The following GHDC variants were observed in gnomAD, a reference collection of about 807,000 sequenced individuals.
GHDC encodes the protein GH3 domain containing.
In GHDC, 39 loss-of-function variants were observed where a neutral mutation model predicts 51.5. The observed-to-expected ratio is 0.76, with a 90% CI of 0.59 to 0.99. The LOEUF is 0.99. Ranked by LOEUF, GHDC falls within the 50% of genes least tolerant of loss-of-function variation. The pLI is 0.00. For missense variants in GHDC, 610 were observed against 672.8 expected (o/e 0.91, Z 1.03); for synonymous variants, 282 against 305.2 (o/e 0.92, Z 0.79).
chr17:42,193,400 T>C lies in GHDC; in HGVS notation c.182A>G (p.His61Arg), dbSNP rs1418406901. ...GGCCTGCTGCTGGCTCTGGTGCACA[T>C]GGAGCGTGCTCTGCTCCAGCCTCCG... ...QRRRLEQSTLHVHQSQQQALR... is the reference protein window; with the variant it reads ...QRRRLEQSTLRVHQSQQQALR... The change falls in exon 3 of 10, where the codon CAT (histidine) becomes CGT (arginine). Residue 61 changes from histidine to arginine, a missense_variant. Physicochemically the swap from His to Arg is conservative, Grantham distance 29. Around this residue, in one of 2 missense-constraint regions of GHDC, gnomAD observed 198 missense variants for 262.3 expected, o/e 0.75. Coordinates refer to ENST00000587427, the MANE Select transcript of GHDC (RefSeq NM_032484.5). 3 of 1,590,304 alleles carry C rather than the reference T, an allele frequency of 1.9e-6. No homozygotes were observed. Among genetic ancestry groups the C allele is most frequent in the Non-Finnish European group, 2.6e-6 (3 of 1,168,812 alleles).
At chr17:42,190,320 C>G in intron 8 of GHDC, 50 bp from the exon 9 acceptor site, 1 of 1,614,110 alleles carries the variant, frequency 6.2e-7, no homozygotes, top group Non-Finnish European at 8.5e-7. Flanking sequence ...TGGGCAGCTG[C>G]CAAGTCTAGT....
Position 42,189,406 on chromosome 17 carries a change from C to T in GHDC, c.*297G>A, listed in dbSNP as rs1304372034. ...CACACAGCTGTGGCCACCAGAGAACCTCTTTGGGCTGTGATACAGGAAACC... is the reference window on the plus strand; with the variant it reads ...CACACAGCTGTGGCCACCAGAGAACTTCTTTGGGCTGTGATACAGGAAACC... On this transcript the variant is annotated 3_prime_UTR_variant, in exon 10 of 10. Coordinates refer to ENST00000587427, the MANE Select transcript of GHDC (RefSeq NM_032484.5). The T allele has an allele frequency of 3.8e-5, 15 of 392,728 alleles. No homozygotes were observed. The East Asian group carries it at 4.7e-4, about 12-fold the overall frequency. The allele number at this position is 392,728 out of a possible 1,614,324, so 24.3% of individuals were successfully genotyped here.
intron 4 of GHDC, 73 bp downstream of exon 4, chr17:42,192,833 T>C: frequency 6.4e-7 from 1 of 1,572,876 alleles, no homozygotes; most frequent in Middle Eastern, 1.7e-4. Context: ...GACTGGAGGG[T>C]TTGGCTGCAA....
Position 42,190,613 on chromosome 17 carries a change from G to T in GHDC, c.1288+11C>A. The T allele has an allele frequency of 6.2e-7, 1 of 1,607,452 alleles. No homozygotes were observed. On this transcript the variant is annotated intron_variant, in intron 8 of 9. Coordinates refer to ENST00000587427, the MANE Select transcript of GHDC (RefSeq NM_032484.5). Reference sequence around the variant, plus strand: ...CAAGGATGGTAGGCAGGAGCCGGTGGGGAGGCTCACCCAGAATGCTGCTCT... The same window carrying T: ...CAAGGATGGTAGGCAGGAGCCGGTGTGGAGGCTCACCCAGAATGCTGCTCT...
intron 9 of GHDC, 34 bp downstream of exon 9, chr17:42,190,151 G>GT: frequency 6.3e-7 from 1 of 1,597,870 alleles, no homozygotes; most frequent in Non-Finnish European, 8.5e-7. Context: ...GAGTGAAGGG[G>GT]TCTACAGTCA....
At chr17:42,190,113 G>A in intron 9 of GHDC, 72 bp downstream of exon 9, 4 of 1,534,880 alleles carry the variant, frequency 2.6e-6, no homozygotes, top group African/African-American at 1.4e-5. Flanking sequence ...CATCAGCCCT[G>A]ATCTCCATGG....
Position 42,192,538 on chromosome 17 carries a change from G to A in GHDC, c.592C>T (p.Leu198=). 1 of 1,613,808 alleles carries A rather than the reference G, an allele frequency of 6.2e-7. No individual in the cohort carries two copies. The highest frequency in any genetic ancestry group is 8.5e-7 in the Non-Finnish European group (1 of 1,180,040). Residue 198 remains leucine, a synonymous_variant, in exon 5 of 10, where the codon CTG becomes TTG. Coordinates refer to ENST00000587427, the MANE Select transcript of GHDC (RefSeq NM_032484.5). The stretch of plus-strand genomic sequence containing the variant: ...AGTTCGACAGCCGTCCCAGCCTCCA[G>A]TGCCCTCAGCCCTGGGGACCTCAGT... The part of the protein sequence containing the change: ...DALRSPGLRA[L]EAGTAVELLD...
At position 42,189,429 on chromosome 17, in the gene GHDC, A is replaced by G; in HGVS notation, c.*274T>C. ...ACCTCTTTGGGCTGTGATACAGGAA[A>G]CCATCGGTGTGCATGGTAACTCTCT... On this transcript the variant is annotated 3_prime_UTR_variant, in exon 10 of 10. Transcript: ENST00000587427. 2.5e-6 allele frequency: 1 copy of G among 394,838 alleles called. No individual in the cohort carries two copies. Among genetic ancestry groups the G allele is most frequent in the Non-Finnish European group, 4.5e-6 (1 of 224,058 alleles). The allele number at this position is 394,838 out of a possible 1,614,324, so 24.5% of individuals were successfully genotyped here.
At chr17:42,190,091 C>T in intron 9 of GHDC, 94 bp downstream of exon 9, 1 of 1,478,444 alleles carries the variant, frequency 6.8e-7, no homozygotes, top group South Asian at 1.3e-5. Flanking sequence ...CCTCCGCCAC[C>T]CCTCTCCTTC....
Position 42,191,410 on chromosome 17 carries a change from T to C in GHDC, c.890-200A>G, listed in dbSNP as rs149398757. Among the ~76,000 whole-genome samples, 3 of 152,014 alleles carry C rather than the reference T, an allele frequency of 2.0e-5. No homozygotes were observed. In the East Asian group the frequency reaches 5.8e-4, roughly 29 times the overall value. ...GGAAAGAGGCAGAGTGCTGTGGTCC[T>C]GGAGGGGGCAGACTTGGGAGTGAAT... On this transcript the variant is annotated intron_variant, in intron 5 of 9. Transcript: ENST00000587427.
At chr17:42,193,872 A>G in intron 1 of GHDC, 22 bp from the exon 2 acceptor site, 1 of 458,510 alleles carries the variant, frequency 2.2e-6, no homozygotes, top group East Asian at 3.7e-5. Context: ...GAATAAGAAT[A>G]AGAATGCCTC....
rs757818828 is a variant in GHDC, at chr17:42,193,053, G to A, written c.266-26C>T. 3 of 1,613,780 alleles carry A rather than the reference G, an allele frequency of 1.9e-6. No individual in the cohort carries two copies. Among genetic ancestry groups the A allele is most frequent in the African/African-American group, 1.3e-5 (1 of 74,912 alleles). On this transcript the variant is annotated intron_variant, in intron 3 of 9. Coordinates refer to ENST00000587427, the MANE Select transcript of GHDC (RefSeq NM_032484.5). ...CTATAGCCCCAATGACAACAGAAACGCCTCAGGAAGCCAGTTTCCCAAGAG... is the reference window on the plus strand; with the variant it reads ...CTATAGCCCCAATGACAACAGAAACACCTCAGGAAGCCAGTTTCCCAAGAG...
Position 42,192,512 on chromosome 17 carries a change from A to G in GHDC, c.618T>C (p.Leu206=). Reference sequence around the variant, plus strand: ...TCTCCAGGCCCAAGAAAACATCCAGAAGTTCGACAGCCGTCCCAGCCTCCA... The same window carrying G: ...TCTCCAGGCCCAAGAAAACATCCAGGAGTTCGACAGCCGTCCCAGCCTCCA... ...RALEAGTAVE[L]LDVFLGLETD... The change falls in exon 5 of 10, where the codon CTT becomes CTC. Residue 206 remains leucine, a synonymous_variant. Transcript: ENST00000587427. 6.2e-7 allele frequency: 1 copy of G among 1,613,644 alleles called. No homozygotes were observed. Among genetic ancestry groups the G allele is most frequent in the Non-Finnish European group, 8.5e-7 (1 of 1,180,008 alleles).
In GHDC at chr17:42,191,000, G is replaced by T; in HGVS notation, c.1082+18C>A. On this transcript the variant is annotated intron_variant, in intron 6 of 9. Coordinates refer to ENST00000587427, the MANE Select transcript of GHDC (RefSeq NM_032484.5). The stretch of plus-strand genomic sequence containing the variant: ...GTCCCATAGGGCCCCAGGTAGCAGG[G>T]GCTGTGCAGCTGATCACCTGGTGAG... The T allele has an allele frequency of 3.2e-6, 5 of 1,566,396 alleles. No individual in the cohort carries two copies. Among genetic ancestry groups the T allele is most frequent in the Non-Finnish European group, 4.3e-6 (5 of 1,158,270 alleles).
Position 42,190,678 on chromosome 17 carries a change from GC to G in GHDC, c.1233del (p.Gln412SerfsTer34), listed in dbSNP as rs780789643. 1.6e-5 allele frequency: 26 copies of G among 1,613,764 alleles called. 1 individual carries two copies. Among genetic ancestry groups the G allele is most frequent in the Non-Finnish European group, 2.0e-5 (24 of 1,179,960 alleles). ...TCCAGCAGCTTGGCCCCCGCCCACT[GC>G]CCCACTGCCCGGCCCAGGGCCTCAG... ...LFSEALGRAV[G>X]QWAGAKLLDH... On this transcript the variant is annotated frameshift_variant, in exon 8 of 10. Coordinates refer to ENST00000587427, the MANE Select transcript of GHDC (RefSeq NM_032484.5). LOFTEE classifies it high-confidence loss of function.
chr17:42,192,140 G>A (rs1233168758), intron 5 of GHDC, 101 bp downstream of exon 5: 2 of 1,400,324 alleles, frequency 1.4e-6, no homozygotes, highest in African/African-American at 1.4e-5. Context: ...AGCTTGTTGG[G>A]GAGGATTAAA....
intron 9 of GHDC, 36 bp from the exon 10 acceptor site, chr17:42,189,957 A>G: frequency 6.8e-7 from 1 of 1,460,688 alleles, no homozygotes; most frequent in Non-Finnish European, 9.2e-7. Flanking sequence ...CTGGTGTGTG[A>G]CTGTGAGTGT....
At chr17:42,191,272 G>GC in intron 5 of GHDC, 62 bp from the exon 6 acceptor site, 1 of 1,425,004 alleles carries the variant, frequency 7.0e-7, no homozygotes, top group Non-Finnish European at 9.2e-7. Context: ...CCAGGCAATA[G>GC]CCCCTCCTGG....
In GHDC at chr17:42,193,600, AAG is replaced by A. The variant is rs1432141236; in HGVS notation, c.-13-8_-13-7del. 1.6e-5 allele frequency: 25 copies of A among 1,525,890 alleles called. No individual in the cohort carries two copies. The South Asian group carries it at 3.0e-4, about 18-fold the overall frequency. The allele number at this position is 1,525,890 out of a possible 1,614,324, so 94.5% of individuals were successfully genotyped here. On this transcript the variant is annotated splice_region_variant and splice_polypyrimidine_tract_variant and intron_variant, in intron 2 of 9. Transcript: ENST00000587427. Reference sequence around the variant, plus strand: ...GCAGCATCTCCAAGCAGCTCCTGGGAAGAGGAAGGAACCGAGATATGGGGGCA... The same window carrying A: ...GCAGCATCTCCAAGCAGCTCCTGGGAAGGAAGGAACCGAGATATGGGGGCA...
Sources: allele counts gnomAD v4.1 joint callset (sites outside exome capture counted in the v4.1 genomes callset), GRCh38; gene constraint gnomAD v4.1.1; regional missense constraint gnomAD v4.1.1; transcripts MANE v1.5; gene names NCBI Gene and HGNC (gene_info 2026-07-23, HGNC 2026-07-21).